MIR2052HG: variants seen among roughly 807,000 people sequenced by gnomAD.
MIR2052HG encodes MIR2052 host gene.
At chr8:74,615,881 G>A (rs1808275000) in intron 2 of MIR2052HG, among the ~76,000 whole-genome samples, 2 of 152,028 alleles carry the variant, frequency 1.3e-5, no homozygotes, top group Non-Finnish European at 2.9e-5. Context: ...CTGTCCTTGC[G>A]ATAGTTTGCT....
chr8:74,729,584 A>G (rs1234064207), intron 4 of MIR2052HG, among the ~76,000 whole-genome samples: 4 of 152,166 alleles, frequency 2.6e-5, no homozygotes. Context: ...AAAAAATCAA[A>G]ATGAAAAATA....
At chr8:74,670,793 GGA>G (rs1242089052) in intron 2 of MIR2052HG, among the ~76,000 whole-genome samples, 8 of 152,028 alleles carry the variant, frequency 5.3e-5, no homozygotes, top group Non-Finnish European at 1.2e-4. Context: ...GGTGAAGAAA[GGA>G]GAAATCCTTT....
rs74680950 is a variant in MIR2052HG at position 74,626,935 on chromosome 8, T to C, written n.216+13995T>C. 5.6e-3 allele frequency among the ~76,000 whole-genome samples: 853 copies of C among 152,350 alleles called. 10 individuals are homozygous for C. The East Asian group carries it at 0.065, about 12-fold the overall frequency. On this transcript the variant is annotated intron_variant and non_coding_transcript_variant, in intron 2 of 6. Transcript: ENST00000523442. ...TAGGAAAAAGAACAGAAATCCTTAA[T>C]ATGGCTTTAAAGTTTTTATGTTTTA...
intron 1 of MIR2052HG, chr8:74,604,202 TGA>T: frequency 1.1e-6 from 1 of 900,430 alleles, no homozygotes; most frequent in African/African-American, 1.6e-5. Flanking sequence ...AGTCGGATGG[TGA>T]GAGTGATATT....
intron 4 of MIR2052HG, among the ~76,000 whole-genome samples, chr8:74,726,525 T>C (rs1196641230): frequency 1.3e-5 from 2 of 152,222 alleles, no homozygotes; most frequent in African/African-American, 4.8e-5. Flanking sequence ...AAGATTTCCA[T>C]CTAATAGTTT....
chr8:74,603,324 C>T, intron 1 of MIR2052HG: 1 of 1,607,612 alleles, frequency 6.2e-7, no homozygotes, highest in East Asian at 2.2e-5. Context: ...CCGAGGAAAG[C>T]CTGACATTGA....
intron 2 of MIR2052HG, among the ~76,000 whole-genome samples, chr8:74,694,507 A>G (rs1202063059): frequency 6.6e-6 from 1 of 152,292 alleles, no homozygotes; most frequent in African/African-American, 2.4e-5. Context: ...CAAACCAAGA[A>G]GTAATCTCTG....
At chr8:74,639,648 C>T (rs1808618209) in intron 2 of MIR2052HG, among the ~76,000 whole-genome samples, 1 of 152,092 alleles carries the variant, frequency 6.6e-6, no homozygotes, top group Non-Finnish European at 1.5e-5. Context: ...ATATATGAAA[C>T]TCCTGTTAAA....
chr8:74,612,081 C>T (rs979172798), intron 1 of MIR2052HG, among the ~76,000 whole-genome samples: 1 of 152,192 alleles, frequency 6.6e-6, no homozygotes, highest in African/African-American at 2.4e-5. Context: ...AAACGCCTGC[C>T]TTGGGCTTTG....
At chr8:74,626,847 T>C (rs1421565374) in intron 2 of MIR2052HG, among the ~76,000 whole-genome samples, 6 of 152,248 alleles carry the variant, frequency 3.9e-5, no homozygotes, top group Admixed American at 2.6e-4. Context: ...ACTGACCTTT[T>C]ACAAATGCAG....
chr8:74,613,628 G>A (rs1453376512), intron 2 of MIR2052HG, among the ~76,000 whole-genome samples: 1 of 152,120 alleles, frequency 6.6e-6, no homozygotes, highest in Non-Finnish European at 1.5e-5. Flanking sequence ...TGGGATTACA[G>A]GCACCCACCA....
At chr8:74,611,540 G>A (rs1468620645) in intron 1 of MIR2052HG, among the ~76,000 whole-genome samples, 4 of 152,126 alleles carry the variant, frequency 2.6e-5, no homozygotes, top group African/African-American at 7.2e-5. Context: ...AACATCCCCT[G>A]CTGTAATGTA....
chr8:74,667,415 C>A (rs1808942081), intron 2 of MIR2052HG, among the ~76,000 whole-genome samples: 1 of 152,098 alleles, frequency 6.6e-6, no homozygotes, highest in Non-Finnish European at 1.5e-5. Flanking sequence ...TTTAGCTGGT[C>A]CTAAAATCTA....
At chr8:74,643,720 C>T (rs969468559) in intron 2 of MIR2052HG, among the ~76,000 whole-genome samples, 2 of 152,006 alleles carry the variant, frequency 1.3e-5, no homozygotes, top group African/African-American at 4.8e-5. Flanking sequence ...AGATAAGTAG[C>T]AAAGTTTCCC....
Position 74,638,111 on chromosome 8 carries a change from G to A in MIR2052HG, n.216+25171G>A, listed in dbSNP as rs575179338. 1.1e-3 allele frequency among the ~76,000 whole-genome samples: 160 copies of A among 152,142 alleles called. 4 individuals are homozygous for A. The highest frequency in any genetic ancestry group is 4.9e-4 in the Non-Finnish European group (33 of 68,010). On this transcript the variant is annotated intron_variant and non_coding_transcript_variant, in intron 2 of 6. Coordinates refer to ENST00000523442, the Ensembl canonical transcript of MIR2052HG. Reference sequence around the variant, plus strand: ...GTGTACACATTCCTGAAGAAGTGATGTTTGAGCTCCTGAAAAATAAAGGGA... The same window carrying A: ...GTGTACACATTCCTGAAGAAGTGATATTTGAGCTCCTGAAAAATAAAGGGA...
chr8:74,719,579 T>G (rs1809553330), intron 4 of MIR2052HG, among the ~76,000 whole-genome samples: 1 of 152,200 alleles, frequency 6.6e-6, no homozygotes, highest in African/African-American at 2.4e-5. Context: ...GGCTTCTAGA[T>G]ATCAGTTTTA....
chr8:74,629,015 C>T (rs1808474390), intron 2 of MIR2052HG: 1 of 152,136 alleles, frequency 6.6e-6, no homozygotes. Context: ...GAAAATCCCC[C>T]TCCAGTTCAC....
intron 2 of MIR2052HG, among the ~76,000 whole-genome samples, chr8:74,626,224 T>A (rs973036487): frequency 2.0e-5 from 3 of 152,202 alleles, no homozygotes; most frequent in African/African-American, 7.2e-5. Context: ...ACTGGATACC[T>A]CTTTAGAGCC....
At chr8:74,651,728 C>T (rs73337294) in intron 2 of MIR2052HG, among the ~76,000 whole-genome samples, 1,856 of 152,182 alleles carry the variant, frequency 0.012, 36 homozygotes, top group African/African-American at 0.042. Flanking sequence ...AACTACTTTG[C>T]TGGTAGGCAT....
Sources: gnomAD v4.1 joint callset for allele counts (sites outside exome capture counted in the v4.1 genomes callset) on GRCh38, gnomAD v4.1.1 for gene constraint, MANE v1.5 for transcripts, NCBI Gene and HGNC (gene_info 2026-07-23, HGNC 2026-07-21) for gene names.